Variants in PTPRJ observed in about 807,000 individuals in gnomAD.
PTPRJ encodes receptor-type tyrosine-protein phosphatase eta.
In PTPRJ, 129 loss-of-function variants were observed where a neutral mutation model predicts 141.3. The ratio of observed to expected loss-of-function variants is 0.91; its 90% CI spans 0.79 to 1.06. The LOEUF is 1.06. PTPRJ is among the 50% of genes least tolerant of loss of function. The pLI is 0.00. For missense variants in PTPRJ, 1,601 were observed against 1,679.7 expected, an observed-to-expected ratio of 0.95 and a Z score of 0.82; for synonymous variants, 610 against 640.5, an observed-to-expected ratio of 0.95 and a Z score of 0.72.
intron 1 of PTPRJ, among the ~76,000 whole-genome samples, chr11:48,107,181 C>G (rs564522070): frequency 6.6e-6 from 1 of 151,820 alleles, no homozygotes; most frequent in East Asian, 1.9e-4. Flanking sequence ...TTCTTTTTCT[C>G]TGAGGCCTGG....
At chr11:48,053,359 TA>T (rs1854648711) in intron 1 of PTPRJ, among the ~76,000 whole-genome samples, 2 of 96,678 alleles carry the variant, frequency 2.1e-5, no homozygotes, top group African/African-American at 9.0e-5. Context: ...TATAAATATA[TA>T]AAAATATAAT....
chr11:48,160,362 A>G (rs1047790328), intron 22 of PTPRJ, among the ~76,000 whole-genome samples: 1 of 152,190 alleles, frequency 6.6e-6, no homozygotes, highest in Non-Finnish European at 1.5e-5. Context: ...GATTTTACAG[A>G]ACAAACTGTA....
In PTPRJ at chr11:47,980,969, GGCGCTGCCGCTGCTGCTGCTGCTGCTGC is replaced by G; in HGVS notation, c.60_87del (p.Leu21TrpfsTer19). On this transcript the variant is annotated frameshift_variant, in exon 1 of 25. Transcript: ENST00000418331. LOFTEE classifies it high-confidence loss of function. Reference sequence around the variant, plus strand: ...CTCCGCGCTCGCCCGGGCTGCGCTGGGCGCTGCCGCTGCTGCTGCTGCTGCTGCGCCTGGGCCAGGTAAGCGCCGGGTG... The same window carrying G: ...CTCCGCGCTCGCCCGGGCTGCGCTGGGCCTGGGCCAGGTAAGCGCCGGGTG... 8.2e-7 allele frequency: 1 copy of G among 1,212,730 alleles called. No individual in the cohort carries two copies. Among genetic ancestry groups the G allele is most frequent in the Non-Finnish European group, 1.0e-6 (1 of 976,062 alleles). 75.1% of individuals were successfully genotyped at this position (1,212,730 alleles called of 1,614,324 possible).
intron 1 of PTPRJ, among the ~76,000 whole-genome samples, chr11:48,064,757 C>T (rs564121398): frequency 3.9e-5 from 6 of 152,000 alleles, no homozygotes; most frequent in East Asian, 2.0e-4. Flanking sequence ...GCGCCCACCA[C>T]GGGCCCGAGA....
chr11:48,106,425 A>G (rs1163932962), intron 1 of PTPRJ, among the ~76,000 whole-genome samples: 1 of 152,222 alleles, frequency 6.6e-6, no homozygotes, highest in Non-Finnish European at 1.5e-5. Context: ...GCTGGAGGTT[A>G]TGAAGACTTG....
intron 1 of PTPRJ, among the ~76,000 whole-genome samples, chr11:47,992,322 C>T (rs190856546): frequency 3.3e-5 from 5 of 152,158 alleles, no homozygotes; most frequent in Admixed American, 6.5e-5. Flanking sequence ...TACAGGAGCC[C>T]GCCCACCATG....
In PTPRJ at chr11:47,981,096, G is replaced by A. The variant is rs879784772; in HGVS notation, c.96+88G>A. On this transcript the variant is annotated intron_variant, in intron 1 of 24. Coordinates refer to ENST00000418331, the MANE Select transcript of PTPRJ (RefSeq NM_002843.4). ...CCTGCCCGAGCGTACCCCCCCGGGG[G>A]GTTCCGGGGAAGGGGGCGGGGGTCC... is the stretch of plus-strand genomic sequence containing the variant. The A allele has an allele frequency of 1.2e-3, 1,443 of 1,166,742 alleles. 1 individual carries two copies. Among genetic ancestry groups the A allele is most frequent in the Non-Finnish European group, 1.3e-3 (1,229 of 942,558 alleles). The allele number at this position is 1,166,742 out of a possible 1,614,324, so 72.3% of individuals were successfully genotyped here.
intron 1 of PTPRJ, among the ~76,000 whole-genome samples, chr11:48,095,579 C>CTTTTTT (rs11378534): frequency 2.9e-5 from 4 of 137,024 alleles, no homozygotes; most frequent in African/African-American, 1.1e-4. Context: ...CAAACATATA[C>CTTTTTT]TTTTTTTTTT....
At chr11:48,009,225 AT>A (rs1467230135) in intron 1 of PTPRJ, among the ~76,000 whole-genome samples, 4 of 152,242 alleles carry the variant, frequency 2.6e-5, no homozygotes, top group Non-Finnish European at 5.9e-5. Flanking sequence ...CACTGAAAAA[AT>A]GTTCCATGAT....
Position 48,000,457 on chromosome 11 carries a change from C to T in PTPRJ, c.96+19449C>T, listed in dbSNP as rs116026776. Among the ~76,000 whole-genome samples the T allele has an allele frequency of 4.0e-3, 607 of 152,114 alleles. 4 individuals are homozygous for T. Among genetic ancestry groups the T allele is most frequent in the African/African-American group, 0.013 (560 of 41,492 alleles). On this transcript the variant is annotated intron_variant, in intron 1 of 24. Transcript: ENST00000418331. ...CACCTCTCCTGGCTTGCTTCTTTCC[C>T]GTAAATTGAGGTGTGTTATTCCACT...
chr11:48,132,276 C>T (rs1280338507), intron 8 of PTPRJ: 6 of 984,802 alleles, frequency 6.1e-6, no homozygotes, highest in Non-Finnish European at 7.2e-6. Context: ...TGGCCTGCAC[C>T]CATCGTCCCA....
At chr11:48,044,867 C>T (rs1406833541) in intron 1 of PTPRJ, 1 of 152,246 alleles carries the variant, frequency 6.6e-6, no homozygotes, top group South Asian at 2.1e-4. Context: ...ATCTGGCTAT[C>T]GCAGGTTCGT....
At chr11:48,011,869 G>A (rs1211424134) in intron 1 of PTPRJ, among the ~76,000 whole-genome samples, 6 of 152,076 alleles carry the variant, frequency 3.9e-5, no homozygotes, top group East Asian at 3.9e-4. Context: ...TTACCAGGTC[G>A]CCCAGGCTGA....
At chr11:48,163,983 C>A (rs934450878) in intron 23 of PTPRJ, among the ~76,000 whole-genome samples, 3 of 152,180 alleles carry the variant, frequency 2.0e-5, no homozygotes, top group Non-Finnish European at 4.4e-5. Flanking sequence ...AAAAGTTTGC[C>A]AACCCCTAAC....
At chr11:48,060,564 T>C (rs1457044694) in intron 1 of PTPRJ, among the ~76,000 whole-genome samples, 1 of 152,182 alleles carries the variant, frequency 6.6e-6, no homozygotes, top group African/African-American at 2.4e-5. Context: ...AGTGAGGTAA[T>C]GGCAGATTCT....
At chr11:48,013,917 C>T (rs1854880219) in intron 1 of PTPRJ, among the ~76,000 whole-genome samples, 1 of 151,174 alleles carries the variant, frequency 6.6e-6, no homozygotes, top group Non-Finnish European at 1.5e-5. Context: ...TCATGTGGCC[C>T]TGGGGGTTGG....
intron 1 of PTPRJ, among the ~76,000 whole-genome samples, chr11:48,056,981 A>G (rs77318820): frequency 0.02 from 3,109 of 152,256 alleles, 117 homozygotes; most frequent in African/African-American, 0.072. Context: ...AAACTCAGGC[A>G]CAGAGAGGTT....
Position 48,125,005 on chromosome 11 carries a change from C to T in PTPRJ, c.912C>T (p.Pro304=), listed in dbSNP as rs1016553942. 3 of 1,613,992 alleles carry T rather than the reference C, an allele frequency of 1.9e-6. No homozygotes were observed. Among genetic ancestry groups the T allele is most frequent in the African/African-American group, 2.7e-5 (2 of 74,910 alleles). Residue 304 remains proline, a synonymous_variant, in exon 6 of 25, where the codon CCC becomes CCT. Transcript: ENST00000418331. ...CAGAGAGAAGCCGGGCAGGGAGCCC[C>T]ACCGCCCCTGTGCATGATGAGTCCC... is the stretch of plus-strand genomic sequence containing the variant. ...SNTERSRAGS[P]TAPVHDESLV...
intron 15 of PTPRJ, among the ~76,000 whole-genome samples, chr11:48,148,291 A>G (rs1857399344): frequency 6.6e-6 from 1 of 152,270 alleles, no homozygotes; most frequent in Non-Finnish European, 1.5e-5. Flanking sequence ...GAAATCTGCA[A>G]TCGCAGAACC....
Sources: gnomAD v4.1 joint callset for allele counts (sites outside exome capture counted in the v4.1 genomes callset) on GRCh38, gnomAD v4.1.1 for gene constraint, MANE v1.5 for transcripts, NCBI Gene and HGNC (gene_info 2026-07-23, HGNC 2026-07-21) for gene names.